ADAMTSL1: variants seen among roughly 807,000 people sequenced by gnomAD.
ADAMTSL1 encodes ADAMTS like 1, also known as ADAMTS-like protein 1.
Under a neutral mutation model 201.8 loss-of-function variants are expected in ADAMTSL1, and 126 were observed. The ratio of observed to expected loss-of-function variants is 0.62; its 90% CI spans 0.54 to 0.72. The LOEUF (loss-of-function observed/expected upper bound fraction) is 0.72. Ranked by LOEUF, ADAMTSL1 falls within the 30% of genes least tolerant of loss-of-function variation. ADAMTSL1 has a pLI of 0.00. For missense variants in ADAMTSL1, 2,679 were observed against 2,277.8 expected (o/e 1.18, Z -3.59); for synonymous variants, 1,121 against 903.4 (o/e 1.24, Z -4.32).
At chr9:18,541,643 TC>T (rs1160906400) in intron 3 of ADAMTSL1, among the ~76,000 whole-genome samples, 1 of 152,176 alleles carries the variant, frequency 6.6e-6, no homozygotes, top group Non-Finnish European at 1.5e-5. Context: ...ACATGGGCCC[TC>T]TTGAATCCTG....
At chr9:18,549,439 T>C (rs1820663635) in intron 3 of ADAMTSL1, among the ~76,000 whole-genome samples, 1 of 151,976 alleles carries the variant, frequency 6.6e-6, no homozygotes, top group Non-Finnish European at 1.5e-5. Flanking sequence ...TAACTACCCA[T>C]GGACTTTCAC....
At chr9:18,537,930 AGAG>A (rs1324724411) in intron 3 of ADAMTSL1, among the ~76,000 whole-genome samples, 1 of 150,156 alleles carries the variant, frequency 6.7e-6, no homozygotes, top group Admixed American at 6.7e-5. Context: ...AGAAAGAAGA[AGAG>A]GAGGAAGAGG....
At chr9:18,837,770 A>C (rs1055360812) in intron 23 of ADAMTSL1, among the ~76,000 whole-genome samples, 1 of 152,232 alleles carries the variant, frequency 6.6e-6, no homozygotes, top group African/African-American at 2.4e-5. Context: ...TACGTGTGAC[A>C]GGCACCATGT....
At chr9:18,523,523 A>G (rs561793659) in intron 2 of ADAMTSL1, among the ~76,000 whole-genome samples, 31 of 152,266 alleles carry the variant, frequency 2.0e-4, no homozygotes, top group African/African-American at 6.5e-4. Flanking sequence ...GCCCATGCCT[A>G]TGTCCTGAAT....
At chr9:18,861,533 C>T (rs1388958910) in intron 23 of ADAMTSL1, among the ~76,000 whole-genome samples, 2 of 152,162 alleles carry the variant, frequency 1.3e-5, no homozygotes, top group Admixed American at 1.3e-4. Context: ...GAGAACCACA[C>T]CCAAAGAAGA....
At chr9:18,636,569 G>A (rs1016241366) in intron 6 of ADAMTSL1, among the ~76,000 whole-genome samples, 16 of 152,078 alleles carry the variant, frequency 1.1e-4, no homozygotes, top group African/African-American at 3.9e-4. Context: ...ATAGCTACTG[G>A]GATTCAGGAT....
chr9:18,005,150 T>C (rs1819761231), intron 1 of ADAMTSL1, among the ~76,000 whole-genome samples: 1 of 152,060 alleles, frequency 6.6e-6, no homozygotes, highest in Non-Finnish European at 1.5e-5. Flanking sequence ...TAGAATATCA[T>C]GGAAAGCTTC....
intron 2 of ADAMTSL1, among the ~76,000 whole-genome samples, chr9:18,296,463 C>T (rs1019669821): frequency 6.6e-6 from 1 of 151,962 alleles, no homozygotes; most frequent in African/African-American, 2.4e-5. Flanking sequence ...GGTTAATTGT[C>T]ATGATGGCAA....
intron 26 of ADAMTSL1, among the ~76,000 whole-genome samples, chr9:18,903,091 G>C (rs955773835): frequency 6.6e-6 from 1 of 152,130 alleles, no homozygotes; most frequent in African/African-American, 2.4e-5. Context: ...TGTAGTCCCA[G>C]CTACTTGGGA....
intron 4 of ADAMTSL1, among the ~76,000 whole-genome samples, chr9:18,599,332 T>A (rs1192334602): frequency 6.6e-6 from 1 of 152,228 alleles, no homozygotes; most frequent in African/African-American, 2.4e-5. Flanking sequence ...CCAGCTCTCC[T>A]GGCACCTGTC....
chr9:17,925,059 C>T (rs1168530684), intron 1 of ADAMTSL1, among the ~76,000 whole-genome samples: 6 of 88,616 alleles, frequency 6.8e-5, no homozygotes, highest in Admixed American at 4.2e-4. Context: ...TGAACAGACA[C>T]TTCTCAAAAG....
At chr9:17,994,254 T>C (rs550633904) in intron 1 of ADAMTSL1, among the ~76,000 whole-genome samples, 52 of 152,276 alleles carry the variant, frequency 3.4e-4, no homozygotes, top group Non-Finnish European at 1.3e-4. Context: ...ACTCTGTCCA[T>C]GCACAAGGGT....
At chr9:18,838,434 A>G (rs944003548) in intron 23 of ADAMTSL1, among the ~76,000 whole-genome samples, 1 of 151,484 alleles carries the variant, frequency 6.6e-6, no homozygotes, top group African/African-American at 2.4e-5. Context: ...AATTGTCCTC[A>G]GGAAGGTAGG....
intron 2 of ADAMTSL1, among the ~76,000 whole-genome samples, chr9:18,269,851 T>A (rs527618140): frequency 9.4e-5 from 13 of 138,322 alleles, no homozygotes; most frequent in Non-Finnish European, 1.9e-4. Flanking sequence ...CATCCTTTTT[T>A]TTTTTTTTTA....
At chr9:18,072,930 T>A (rs1823032998) in intron 1 of ADAMTSL1, among the ~76,000 whole-genome samples, 1 of 152,192 alleles carries the variant, frequency 6.6e-6, no homozygotes, top group African/African-American at 2.4e-5. Flanking sequence ...CATTTGCAGC[T>A]TAGGGGAAGG....
chr9:18,042,540 A>G (rs1821472402), intron 1 of ADAMTSL1, among the ~76,000 whole-genome samples: 2 of 152,204 alleles, frequency 1.3e-5, no homozygotes, highest in Admixed American at 6.6e-5. Flanking sequence ...CTGAAACTAG[A>G]TGTGCTCGAT....
chr9:17,978,587 A>T (rs1315726782), intron 1 of ADAMTSL1, among the ~76,000 whole-genome samples: 1 of 151,644 alleles, frequency 6.6e-6, no homozygotes, highest in Non-Finnish European at 1.5e-5. Flanking sequence ...TTCTCCCTCC[A>T]CATTTTATGT....
chr9:18,673,876 T>A (rs1340337390), intron 9 of ADAMTSL1, among the ~76,000 whole-genome samples: 1 of 152,114 alleles, frequency 6.6e-6, no homozygotes, highest in Non-Finnish European at 1.5e-5. Context: ...ATGTACAAAC[T>A]TACTAGAAGG....
chr9:18,719,565 T>C (rs1833199519), intron 14 of ADAMTSL1, among the ~76,000 whole-genome samples: 1 of 152,188 alleles, frequency 6.6e-6, no homozygotes, highest in Admixed American at 6.5e-5. Flanking sequence ...GATTTCACCA[T>C]TTTGGCCAGG....
Sources: gnomAD v4.1 joint callset for allele counts (sites outside exome capture counted in the v4.1 genomes callset) on GRCh38, gnomAD v4.1.1 for gene constraint, MANE v1.5 for transcripts, NCBI Gene and HGNC (gene_info 2026-07-23, HGNC 2026-07-21) for gene names.